The following FBXO15 variants were observed in gnomAD, a reference collection of about 807,000 sequenced individuals.
FBXO15 encodes F-box protein 15, also known as F-box only protein 15.
Under a neutral mutation model 49.5 loss-of-function variants are expected in FBXO15, and 30 were observed. The ratio of observed to expected loss-of-function variants is 0.61; its 90% confidence interval spans 0.45 to 0.82. The LOEUF is 0.82. Ranked by LOEUF, FBXO15 falls within the 40% of genes least tolerant of loss-of-function variation. The pLI is 0.00. For synonymous variants in FBXO15, 250 were observed against 232.7 expected (o/e 1.07, Z -0.68); for missense variants, 591 against 631.5 (o/e 0.94, Z 0.69).
chr18:74,118,132 A>G (rs1248756218), intron 8 of FBXO15, among the ~76,000 whole-genome samples: 2 of 151,732 alleles, frequency 1.3e-5, no homozygotes, highest in Non-Finnish European at 2.9e-5. Flanking sequence ...CAAGTAGCTG[A>G]GACTACAGGT....
chr18:74,107,235 T>C (rs1330811656), intron 8 of FBXO15, among the ~76,000 whole-genome samples: 22 of 149,684 alleles, frequency 1.5e-4, no homozygotes, highest in Admixed American at 1.5e-3. Flanking sequence ...TGTAATAATA[T>C]GGATGAATCT....
At chr18:74,087,034 C>T (rs1912772112) in intron 8 of FBXO15, among the ~76,000 whole-genome samples, 1 of 152,142 alleles carries the variant, frequency 6.6e-6, no homozygotes, top group South Asian at 2.1e-4. Context: ...TATGTTTATA[C>T]TATACTCTTT....
intron 3 of FBXO15, 81 bp from the exon 4 acceptor site, chr18:74,130,739 A>G: frequency 7.1e-7 from 1 of 1,411,714 alleles, no homozygotes. Context: ...AGAGATGCAT[A>G]TTTTCAAATA....
chr18:74,078,166 C>G (rs1912332377), intron 9 of FBXO15, among the ~76,000 whole-genome samples: 1 of 152,178 alleles, frequency 6.6e-6, no homozygotes, highest in Non-Finnish European at 1.5e-5. Context: ...AGATCAAGAG[C>G]TGGGAGCTGA....
intron 8 of FBXO15, among the ~76,000 whole-genome samples, chr18:74,083,328 C>T (rs1331689460): frequency 6.6e-6 from 1 of 152,260 alleles, no homozygotes; most frequent in Admixed American, 6.5e-5. Context: ...CACCTCATCA[C>T]CTCGTCACCT....
At chr18:74,094,957 T>TCA (rs1913213263) in intron 8 of FBXO15, among the ~76,000 whole-genome samples, 1 of 152,266 alleles carries the variant, frequency 6.6e-6, no homozygotes. Context: ...CAACTTCCCC[T>TCA]CAGCACTTGC....
chr18:74,100,084 A>G (rs1913443734), intron 8 of FBXO15: 1 of 152,232 alleles, frequency 6.6e-6, no homozygotes, highest in Non-Finnish European at 1.5e-5. Flanking sequence ...ATACTTACAG[A>G]ACATTATACC....
intron 8 of FBXO15, among the ~76,000 whole-genome samples, chr18:74,117,128 T>C (rs1204109465): frequency 6.6e-6 from 1 of 152,106 alleles, no homozygotes; most frequent in Non-Finnish European, 1.5e-5. Flanking sequence ...ATTTGTATAA[T>C]ACTTTTAAAA....
At chr18:74,139,414 T>C (rs1021129253) in intron 2 of FBXO15, among the ~76,000 whole-genome samples, 13 of 152,216 alleles carry the variant, frequency 8.5e-5, no homozygotes, top group African/African-American at 3.1e-4. Flanking sequence ...AAACAGCCTA[T>C]TCCCAGAGCA....
At chr18:74,115,364 G>T (rs942384402) in intron 8 of FBXO15, among the ~76,000 whole-genome samples, 2 of 152,158 alleles carry the variant, frequency 1.3e-5, no homozygotes, top group African/African-American at 2.4e-5. Context: ...GGCACCAAGA[G>T]TTAAATGGGT....
intron 2 of FBXO15, among the ~76,000 whole-genome samples, chr18:74,137,540 G>C (rs552913956): frequency 1.3e-5 from 2 of 152,274 alleles, no homozygotes; most frequent in Admixed American, 1.3e-4. Context: ...AATGAAAAGG[G>C]GGGTACTCTG....
intron 8 of FBXO15, among the ~76,000 whole-genome samples, chr18:74,114,370 C>T (rs528093695): frequency 6.6e-6 from 1 of 152,292 alleles, no homozygotes; most frequent in African/African-American, 2.4e-5. Flanking sequence ...ACCCCATGCC[C>T]TTTTTAACTT....
At chr18:74,082,074 C>G in intron 8 of FBXO15, 23 bp from the exon 9 acceptor site, 3 of 1,605,198 alleles carry the variant, frequency 1.9e-6, no homozygotes, top group Non-Finnish European at 2.6e-6. Context: ...AAGATTGTTT[C>G]AATCACTGTC....
chr18:74,111,149 C>A (rs1914011073), intron 8 of FBXO15, among the ~76,000 whole-genome samples: 2 of 151,118 alleles, frequency 1.3e-5, no homozygotes, highest in Non-Finnish European at 2.9e-5. Context: ...AAAGATAGAC[C>A]ACATTATGGG....
chr18:74,140,088 A>G (rs1178489212), intron 2 of FBXO15, 114 bp downstream of exon 2: 1 of 781,222 alleles, frequency 1.3e-6, no homozygotes, highest in Non-Finnish European at 2.0e-6. Context: ...TTCCTACACA[A>G]TCCTATTCTT....
chr18:74,090,145 G>C (rs2145123383), intron 8 of FBXO15, among the ~76,000 whole-genome samples: 1 of 152,168 alleles, frequency 6.6e-6, no homozygotes, highest in Admixed American at 6.5e-5. Flanking sequence ...TTCAGTCTTG[G>C]GAGGGTGTAT....
intron 8 of FBXO15, among the ~76,000 whole-genome samples, chr18:74,104,763 G>A (rs1913675657): frequency 6.6e-6 from 1 of 152,130 alleles, no homozygotes; most frequent in African/African-American, 2.4e-5. Flanking sequence ...GCATCCAACA[G>A]CAGAGCTCCC....
chr18:74,126,765 C>T (rs1432237153), intron 5 of FBXO15, among the ~76,000 whole-genome samples: 1 of 152,202 alleles, frequency 6.6e-6, no homozygotes, highest in East Asian at 1.9e-4. Flanking sequence ...TTCAAAGGTA[C>T]ATTAAATAAA....
rs547651631 is a variant in FBXO15, at chr18:74,104,360, A to G, written c.1138+19008T>C. Among the ~76,000 whole-genome samples the G allele has an allele frequency of 2.0e-5, 3 of 152,306 alleles. No homozygotes were observed. The South Asian group carries it at 6.2e-4, about 32-fold the overall frequency. On this transcript the variant is annotated intron_variant, in intron 8 of 9. Coordinates refer to ENST00000419743, the MANE Select transcript of FBXO15 (RefSeq NM_001142958.2). ...AATATAACAACAAAAAAAGACAGGA[A>G]GAAAAGGACAGAAGGGTTACAAAAC...
Sources: gnomAD v4.1 joint callset for allele counts (sites outside exome capture counted in the v4.1 genomes callset) on GRCh38, gnomAD v4.1.1 for gene constraint, MANE v1.5 for transcripts, NCBI Gene and HGNC (gene_info 2026-07-23, HGNC 2026-07-21) for gene names.